Variants in ZNF442 observed in about 807,000 individuals in gnomAD.
The protein encoded by ZNF442 is zinc finger protein 442.
ZNF442 carries 45 observed loss-of-function variants against 57.0 expected under a neutral mutation model. The ratio of observed to expected loss-of-function variants is 0.79; its 90% confidence interval spans 0.62 to 1.01. ZNF442 has a LOEUF of 1.01. Among genes scored for constraint, ZNF442 ranks in the 50% least tolerant of loss-of-function variants. The pLI, the probability that ZNF442 is intolerant of heterozygous loss-of-function variation, is 0.00. For missense variants in ZNF442, 690 were observed against 756.5 expected, an observed-to-expected ratio of 0.91 and a Z score of 1.03; for synonymous variants, 213 against 241.8, an observed-to-expected ratio of 0.88 and a Z score of 1.10.
chr19:12,350,533 C>G lies in ZNF442; in HGVS notation c.1052G>C (p.Cys351Ser). The G allele has an allele frequency of 6.2e-7, 1 of 1,614,014 alleles. No individual in the cohort carries two copies. Among genetic ancestry groups the G allele is most frequent in the Non-Finnish European group, 8.5e-7 (1 of 1,179,980 alleles). Residue 351 changes from cysteine (C) to serine (S), a missense_variant, in exon 6 of 6, where the codon TGT (cysteine) becomes TCT (serine). Cys to Ser is a moderately radical substitution (Grantham distance 112). Coordinates refer to ENST00000242804, the MANE Select transcript of ZNF442 (RefSeq NM_030824.3). ...IRHTGDGPHK[C>S]KICGKGFDCP... Reference sequence around the variant, plus strand: ...ATCAAAGCCTTTCCCACATATCTTACATTTATGAGGTCCATCTCCAGTGTG... The same window carrying G: ...ATCAAAGCCTTTCCCACATATCTTAGATTTATGAGGTCCATCTCCAGTGTG...
At chr19:12,367,531 A>G (rs578174421), upstream of ZNF442, among the ~76,000 whole-genome samples, 6 of 152,292 alleles carry the variant, frequency 3.9e-5, no homozygotes, top group Admixed American at 2.0e-4. Context: ...CAATCCTAGT[A>G]AGCCTGAGGG....
At chr19:12,362,885 G>GGA (rs1969460380) in intron 3 of ZNF442, among the ~76,000 whole-genome samples, 1 of 135,450 alleles carries the variant, frequency 7.4e-6, no homozygotes, top group African/African-American at 2.7e-5. Flanking sequence ...TCTGCCTTGG[G>GGA]AAAAAAAAAA....
upstream of ZNF442, among the ~76,000 whole-genome samples, chr19:12,366,474 C>T (rs1460591189): frequency 1.3e-5 from 2 of 152,046 alleles, no homozygotes; most frequent in Non-Finnish European, 1.5e-5. Context: ...CTTCTTCTTT[C>T]CCTTTTCCTC....
intron 3 of ZNF442, among the ~76,000 whole-genome samples, chr19:12,362,908 TGAG>T (rs776091100): frequency 8.0e-4 from 121 of 150,950 alleles, no homozygotes; most frequent in Non-Finnish European, 1.3e-3. Flanking sequence ...AATTGGAGGC[TGAG>T]GAGGCAGATC....
chr19:12,358,295 A>G (rs150390246), intron 3 of ZNF442, among the ~76,000 whole-genome samples: 1 of 152,234 alleles, frequency 6.6e-6, no homozygotes, highest in African/African-American at 2.4e-5. Context: ...TACATGTGGT[A>G]TTTGTCTTTC....
intron 5 of ZNF442, chr19:12,351,798 C>T (rs1254657995): frequency 3.8e-5 from 18 of 473,478 alleles, no homozygotes. Context: ...CCACCGTGCC[C>T]AGCCGAATTC....
rs139823321 is a variant in ZNF442, at chr19:12,353,460, G to A, written c.79-346C>T. 7.8e-3 allele frequency among the ~76,000 whole-genome samples: 1,186 copies of A among 152,246 alleles called. 20 individuals carry two copies. Among genetic ancestry groups the A allele is most frequent in the African/African-American group, 0.027 (1,137 of 41,532 alleles). ...CTTACTGTACAAGAATAGGAGTCCT[G>A]AGATTGTATATATTTACAAATGCTG... On this transcript the variant is annotated intron_variant, in intron 3 of 5. Transcript: ENST00000242804.
rs149625157 is a variant in ZNF442, at chr19:12,352,454, C to T, written c.206-384G>A. ...CTCCAGACCTCAGGTGATCTGCCTG[C>T]CTCGGCCTCCCAAAGTGCTGGGATT... On this transcript the variant is annotated intron_variant, in intron 4 of 5. Coordinates refer to ENST00000242804, the MANE Select transcript of ZNF442 (RefSeq NM_030824.3). Among the ~76,000 whole-genome samples the T allele has an allele frequency of 9.7e-4, 147 of 152,174 alleles. 2 individuals are homozygous for T. The East Asian group carries it at 0.025, about 26-fold the overall frequency.
chr19:12,359,428 C>T (rs144667587), intron 3 of ZNF442, among the ~76,000 whole-genome samples: 126 of 152,254 alleles, frequency 8.3e-4, no homozygotes, highest in African/African-American at 2.9e-3. Flanking sequence ...TATGCCCCTC[C>T]CCCCTTCTCT....
At chr19:12,362,837 C>T (rs147217874) in intron 3 of ZNF442, among the ~76,000 whole-genome samples, 6,670 of 149,956 alleles carry the variant, frequency 0.044, 502 homozygotes, top group African/African-American at 0.16. Context: ...GAAGTAGACA[C>T]GGGAGACTCC....
chr19:12,363,719 A>G, intron 2 of ZNF442, 48 bp from the exon 3 acceptor site: 5 of 1,234,218 alleles, frequency 4.1e-6, no homozygotes, highest in Non-Finnish European at 4.8e-6. Context: ...TTAGCTTTTT[A>G]TAGAAATGGT....
Position 12,364,378 on chromosome 19 carries a change from GC to G in ZNF442, c.-41+423del, listed in dbSNP as rs1193426665. On this transcript the variant is annotated intron_variant, in intron 2 of 5. Coordinates refer to ENST00000242804, the MANE Select transcript of ZNF442 (RefSeq NM_030824.3). ...GCCGACATCGCACCATTGCACTCCA[GC>G]CTGGGCAACAAGAGCACAACTCCAT... Among the ~76,000 whole-genome samples, 21 of 146,092 alleles carry G rather than the reference GC, an allele frequency of 1.4e-4. No homozygotes were observed. The East Asian group carries it at 3.7e-3, about 26-fold the overall frequency.
At chr19:12,361,214 ACT>A (rs967512734) in intron 3 of ZNF442, among the ~76,000 whole-genome samples, 1 of 152,124 alleles carries the variant, frequency 6.6e-6, no homozygotes, top group Non-Finnish European at 1.5e-5. Context: ...AATAAATAAA[ACT>A]AAATAGGAAA....
chr19:12,351,956 C>A, intron 5 of ZNF442, 54 bp downstream of exon 5: 1 of 1,523,904 alleles, frequency 6.6e-7, no homozygotes, highest in South Asian at 1.2e-5. Context: ...AATTTCCTGT[C>A]ATCCTAAGAA....
chr19:12,350,684 C>T lies in ZNF442; in HGVS notation c.901G>A (p.Ala301Thr). 1 of 1,613,898 alleles carries T rather than the reference C, an allele frequency of 6.2e-7. No individual in the cohort carries two copies. Among genetic ancestry groups the T allele is most frequent in the Non-Finnish European group, 8.5e-7 (1 of 1,179,998 alleles). The change falls in exon 6 of 6, where the codon GCC becomes ACC. Residue 301 changes from alanine (A) to threonine (T), a missense_variant. By Grantham distance (58) the Ala-to-Thr change is moderately conservative (BLOSUM62 0). Transcript: ENST00000242804. The stretch of plus-strand genomic sequence containing the variant: ...CGAAGGGAACTGGAAACACTGAAGG[C>T]TCTTCCACATCGTTTACATTTATAG... ...KPYKCKRCGRAFSVSSSLRIH... is the reference protein window; with the variant it reads ...KPYKCKRCGRTFSVSSSLRIH...
intron 4 of ZNF442, 42 bp from the exon 5 acceptor site, chr19:12,352,112 A>C: frequency 6.3e-7 from 1 of 1,576,038 alleles, no homozygotes; most frequent in Non-Finnish European, 8.7e-7. Flanking sequence ...ATTATTATAA[A>C]ATTCTAAAAA....
chr19:12,357,200 A>C (rs1361398531), intron 3 of ZNF442, among the ~76,000 whole-genome samples: 1 of 151,732 alleles, frequency 6.6e-6, no homozygotes, highest in Non-Finnish European at 1.5e-5. Flanking sequence ...CAATTTGTTT[A>C]TTTTCTTTGC....
rs1350341584 is a variant in ZNF442, at chr19:12,350,546, C to T, written c.1039G>A (p.Gly347Arg). Reference protein sequence around the residue: ...QRHMIRHTGDGPHKCKICGKG... With the variant: ...QRHMIRHTGDRPHKCKICGKG... ...CCACATATCTTACATTTATGAGGTC[C>T]ATCTCCAGTGTGCCTTATCATGTGT... The change falls in exon 6 of 6, where the codon GGA becomes AGA. Residue 347 changes from glycine (G) to arginine (R), a missense_variant. Physicochemically the swap from Gly to Arg is moderately radical, Grantham distance 125. Coordinates refer to ENST00000242804, the MANE Select transcript of ZNF442 (RefSeq NM_030824.3). The T allele has an allele frequency of 1.2e-6, 2 of 1,612,680 alleles. No individual in the cohort carries two copies. The highest frequency in any genetic ancestry group is 1.1e-5 in the South Asian group (1 of 91,006).
At chr19:12,368,566 A>T (rs113171648), upstream of ZNF442, among the ~76,000 whole-genome samples, 7,266 of 152,226 alleles carry the variant, frequency 0.048, 585 homozygotes, top group African/African-American at 0.17. Context: ...CACGACGGAG[A>T]AGTCCCTTCA....
Sources: allele counts gnomAD v4.1 joint callset (sites outside exome capture counted in the v4.1 genomes callset), GRCh38; gene constraint gnomAD v4.1.1; transcripts MANE v1.5; gene names NCBI Gene and HGNC (gene_info 2026-07-23, HGNC 2026-07-21).